PCDHA9: variants seen among roughly 807,000 people sequenced by gnomAD.
PCDHA9 encodes protocadherin alpha-9.
Under a neutral mutation model 62.0 loss-of-function variants are expected in PCDHA9, and 62 were observed. That is an observed-to-expected ratio of 1.00 (90% CI 0.81 to 1.23). The LOEUF is 1.23. PCDHA9 is among the 50% of genes most tolerant of loss of function. The pLI is 0.00. For missense variants in PCDHA9, 1,205 were observed against 1,249.8 expected (o/e 0.96, Z 0.54); for synonymous variants, 557 against 567.6 (o/e 0.98, Z 0.27).
chr5:140,875,809 C>T, intron 1 of PCDHA9: 1 of 1,614,146 alleles, frequency 6.2e-7, no homozygotes, highest in Non-Finnish European at 8.5e-7. Flanking sequence ...CGTGGACAGG[C>T]CGCTGCAGGT....
At chr5:141,009,255 G>A (rs2098403504) in intron 3 of PCDHA9, among the ~76,000 whole-genome samples, 1 of 152,162 alleles carries the variant, frequency 6.6e-6, no homozygotes. Context: ...CAGTGTTTGA[G>A]ACCAGCCTGG....
chr5:140,857,296 G>A, intron 1 of PCDHA9: 1 of 1,598,680 alleles, frequency 6.3e-7, no homozygotes, highest in Non-Finnish European at 8.6e-7. Flanking sequence ...ACCGCGAGAG[G>A]GTGTCGGCCT....
At chr5:140,895,875 G>A (rs1277056649) in intron 1 of PCDHA9, among the ~76,000 whole-genome samples, 5 of 152,060 alleles carry the variant, frequency 3.3e-5, no homozygotes, top group African/African-American at 7.2e-5. Context: ...GCAATGGCGC[G>A]ATCTCGGCTC....
intron 3 of PCDHA9, among the ~76,000 whole-genome samples, chr5:140,987,991 T>C (rs1243117535): frequency 6.6e-6 from 1 of 152,232 alleles, no homozygotes; most frequent in Non-Finnish European, 1.5e-5. Context: ...ACTCCATCTC[T>C]GATCCTTCCC....
chr5:140,961,155 G>A (rs1214072320), intron 1 of PCDHA9, among the ~76,000 whole-genome samples: 2 of 152,126 alleles, frequency 1.3e-5, no homozygotes, highest in Non-Finnish European at 2.9e-5. Context: ...TATTATTTCA[G>A]TACATATCTA....
Position 140,979,960 on chromosome 5 carries a change from C to T in PCDHA9, c.2453+953C>T, listed in dbSNP as rs2096871601. 2.0e-5 allele frequency among the ~76,000 whole-genome samples: 3 copies of T among 152,266 alleles called. No homozygotes were observed. The South Asian group carries it at 6.2e-4, about 32-fold the overall frequency. ...AGAGTTAATGTGAAATTAGTTTTAG[C>T]CCATTAAAATGCATTAGATTGAAAT... On this transcript the variant is annotated intron_variant, in intron 2 of 3. Coordinates refer to ENST00000532602, the MANE Select transcript of PCDHA9 (RefSeq NM_031857.2).
At chr5:140,952,351 AAAAG>A (rs1316352142) in intron 1 of PCDHA9, among the ~76,000 whole-genome samples, 25 of 120,612 alleles carry the variant, frequency 2.1e-4, no homozygotes, top group Non-Finnish European at 3.5e-4. Context: ...AAAAAAAAAA[AAAAG>A]AAAGAAAGAA....
intron 1 of PCDHA9, chr5:140,878,201 T>C (rs1157119125): frequency 6.1e-6 from 1 of 164,102 alleles, no homozygotes; most frequent in African/African-American, 2.4e-5. Context: ...GTTGCAAGAA[T>C]GGTACAAAGA....
rs782003848 is a variant in PCDHA9 at position 140,929,358 on chromosome 5, G to GC, written c.2395-49588dup. The GC allele has an allele frequency of 3.9e-6, 6 of 1,522,886 alleles. No homozygotes were observed. The South Asian group carries it at 5.3e-5, about 13-fold the overall frequency. 94.3% of individuals were successfully genotyped at this position (1,522,886 alleles called of 1,614,324 possible). A position where few individuals can be genotyped will look rare whatever the true frequency, so the allele number is the denominator to read the frequency against. Reference sequence around the variant, plus strand: ...AATTTTATGGAATTTGATTCCTTTGGCCCGGAGATGGCTGCTAGCTGTGTT... The same window carrying GC: ...AATTTTATGGAATTTGATTCCTTTGGCCCCGGAGATGGCTGCTAGCTGTGTT... On this transcript the variant is annotated intron_variant, in intron 1 of 3. Coordinates refer to ENST00000532602, the MANE Select transcript of PCDHA9 (RefSeq NM_031857.2).
chr5:140,899,654 G>C (rs1429177993), intron 1 of PCDHA9, among the ~76,000 whole-genome samples: 1 of 152,158 alleles, frequency 6.6e-6, no homozygotes, highest in African/African-American at 2.4e-5. Context: ...ATTTGGTTGT[G>C]TCTCTGCCCG....
intron 1 of PCDHA9, among the ~76,000 whole-genome samples, chr5:140,894,198 T>A (rs1431922646): frequency 3.9e-5 from 6 of 152,168 alleles, no homozygotes; most frequent in African/African-American, 1.4e-4. Flanking sequence ...ATTTTTTCTA[T>A]GCTATTATAT....
chr5:140,887,624 GT>G (rs1369272233), intron 1 of PCDHA9, among the ~76,000 whole-genome samples: 1 of 151,558 alleles, frequency 6.6e-6, no homozygotes, highest in Non-Finnish European at 1.5e-5. Flanking sequence ...TTTTCTTTAT[GT>G]TAGTCTGTTG....
chr5:140,941,198 T>TC (rs1563184066), intron 1 of PCDHA9, among the ~76,000 whole-genome samples: 3 of 119,812 alleles, frequency 2.5e-5, no homozygotes, highest in African/African-American at 1.0e-4. Flanking sequence ...TTTTTTTCTT[T>TC]CTTCCTTTCT....
intron 1 of PCDHA9, chr5:140,858,501 T>C: frequency 6.8e-7 from 1 of 1,464,942 alleles, no homozygotes; most frequent in Non-Finnish European, 9.4e-7. Context: ...TACCGCATTT[T>C]CTCAAATATG....
chr5:140,883,886 T>C, intron 1 of PCDHA9: 1 of 1,613,156 alleles, frequency 6.2e-7, no homozygotes, highest in Non-Finnish European at 8.5e-7. Flanking sequence ...CGCGCGCGAC[T>C]CTGGCGTGCC....
At chr5:140,915,982 G>A (rs1563009608) in intron 1 of PCDHA9, among the ~76,000 whole-genome samples, 3 of 152,230 alleles carry the variant, frequency 2.0e-5, no homozygotes, top group South Asian at 2.1e-4. Flanking sequence ...ATTTGACTAC[G>A]GCTAAGCTGG....
At chr5:140,904,443 A>G (rs1345999576) in intron 1 of PCDHA9, among the ~76,000 whole-genome samples, 8 of 151,082 alleles carry the variant, frequency 5.3e-5, no homozygotes, top group African/African-American at 1.5e-4. Flanking sequence ...GTATATTACA[A>G]TTTCTTTATA....
chr5:140,900,226 G>A (rs1048533279), intron 1 of PCDHA9, among the ~76,000 whole-genome samples: 18 of 152,090 alleles, frequency 1.2e-4, no homozygotes, highest in Admixed American at 1.1e-3. Flanking sequence ...GCAAATGACT[G>A]GATCTTGTTT....
intron 1 of PCDHA9, among the ~76,000 whole-genome samples, chr5:140,926,099 T>C (rs1364046229): frequency 6.6e-6 from 1 of 152,162 alleles, no homozygotes; most frequent in Non-Finnish European, 1.5e-5. Context: ...GCTCCTGGGA[T>C]ACAAGAGGGT....
Sources: allele counts gnomAD v4.1 joint callset (sites outside exome capture counted in the v4.1 genomes callset), GRCh38; gene constraint gnomAD v4.1.1; transcripts MANE v1.5; gene names NCBI Gene and HGNC (gene_info 2026-07-23, HGNC 2026-07-21).